The following STAB2 variants were observed in gnomAD, a reference collection of about 807,000 sequenced individuals.
STAB2 encodes the protein stabilin 2, also known as stabilin-2.
Under a neutral mutation model 338.1 loss-of-function variants are expected in STAB2, and 288 were observed. That is an observed-to-expected ratio of 0.85 (90% CI 0.77 to 0.94). The LOEUF is 0.94. Among genes scored for constraint, STAB2 ranks in the 40% least tolerant of loss-of-function variants. STAB2 has a pLI of 0.00. For missense variants in STAB2, 3,141 were observed against 3,210.1 expected (o/e 0.98, Z 0.52); for synonymous variants, 1,202 against 1,193.3 (o/e 1.01, Z -0.15).
chr12:103,640,049 A>G lies in STAB2; in HGVS notation c.907-74A>G. ...TGAGTTTTTATGGAAGAATAAAAAT[A>G]CAAATTAAAGAAGAATGCCAGCTGA... On this transcript the variant is annotated intron_variant, in intron 8 of 68. Coordinates refer to ENST00000388887, the MANE Select transcript of STAB2 (RefSeq NM_017564.10). 2.7e-6 allele frequency: 4 copies of G among 1,508,434 alleles called. No homozygotes were observed. The South Asian group carries it at 3.9e-5, about 15-fold the overall frequency. The allele number at this position is 1,508,434 out of a possible 1,614,324, so 93.4% of individuals were successfully genotyped here. A position where few individuals can be genotyped will look rare whatever the true frequency, so the allele number is the denominator to read the frequency against.
intron 3 of STAB2, 102 bp downstream of exon 3, chr12:103,594,612 C>A: frequency 1.1e-6 from 1 of 926,752 alleles, no homozygotes; most frequent in Non-Finnish European, 1.7e-6. Flanking sequence ...ATGTTAACAT[C>A]CGTTTGTAGA....
chr12:103,638,708 A>C (rs1416514900), intron 8 of STAB2, among the ~76,000 whole-genome samples: 1 of 152,248 alleles, frequency 6.6e-6, no homozygotes, highest in Admixed American at 6.5e-5. Flanking sequence ...TCTAAATGAC[A>C]TCAGGACCTT....
chr12:103,605,402 T>C (rs565339775), intron 3 of STAB2, among the ~76,000 whole-genome samples: 8 of 142,112 alleles, frequency 5.6e-5, no homozygotes, highest in African/African-American at 2.3e-4. Flanking sequence ...CACCTTTAGA[T>C]GCCGTATTCT....
At chr12:103,642,759 C>T (rs1011226184) in intron 9 of STAB2, among the ~76,000 whole-genome samples, 1 of 152,306 alleles carries the variant, frequency 6.6e-6, no homozygotes, top group African/African-American at 2.4e-5. Flanking sequence ...CTGGGCCCCC[C>T]ACTAGACCAC....
In STAB2 at chr12:103,722,716, G is replaced by A. The variant is rs140769064; in HGVS notation, c.4684-2259G>A. On this transcript the variant is annotated intron_variant, in intron 44 of 68. Coordinates refer to ENST00000388887, the MANE Select transcript of STAB2 (RefSeq NM_017564.10). ...GTCTTTGTTCATCTATACCTAGTAC[G>A]TTCTCTTAAAGGAAAAAAAAAGGAG... Among the ~76,000 whole-genome samples, 860 of 149,954 alleles carry A rather than the reference G, an allele frequency of 5.7e-3. 3 individuals are homozygous for A. Among genetic ancestry groups the A allele is most frequent in the Non-Finnish European group, 8.7e-3 (592 of 67,912 alleles).
chr12:103,728,952 C>T lies in STAB2; in HGVS notation c.5039C>T (p.Ala1680Val). ...LLENLKLISN[A>V]TSLQGEPIVI... Reference sequence around the variant, plus strand: ...GAAAACCTGAAATTGATCTCAAATGCTACTTCCCTCCAAGGAGAGCCAATA... The same window carrying T: ...GAAAACCTGAAATTGATCTCAAATGTTACTTCCCTCCAAGGAGAGCCAATA... The change falls in exon 48 of 69, where the codon GCT becomes GTT. Residue 1680 changes from alanine to valine, a missense_variant. Ala to Val is a moderately conservative substitution (Grantham distance 64). Coordinates refer to ENST00000388887, the MANE Select transcript of STAB2 (RefSeq NM_017564.10). The T allele has an allele frequency of 6.2e-7, 1 of 1,613,988 alleles. No individual in the cohort carries two copies. The highest frequency in any genetic ancestry group is 8.5e-7 in the Non-Finnish European group (1 of 1,179,846).
intron 5 of STAB2, among the ~76,000 whole-genome samples, chr12:103,625,492 T>G (rs1007904870): frequency 1.6e-4 from 24 of 152,198 alleles, no homozygotes; most frequent in Admixed American, 7.2e-4. Context: ...GTATATCTCC[T>G]AAAGCTATCC....
At chr12:103,649,020 C>G (rs1222405721) in intron 10 of STAB2, among the ~76,000 whole-genome samples, 197 bp downstream of exon 10, 1 of 152,136 alleles carries the variant, frequency 6.6e-6, no homozygotes, top group Non-Finnish European at 1.5e-5. Flanking sequence ...GCCAAGAGAT[C>G]TAGCAATGCA....
Sources: allele counts gnomAD v4.1 joint callset (sites outside exome capture counted in the v4.1 genomes callset), GRCh38; gene constraint gnomAD v4.1.1; transcripts MANE v1.5; gene names NCBI Gene and HGNC (gene_info 2026-07-23, HGNC 2026-07-21).